The following MYO9A variants were observed in gnomAD, a reference collection of about 807,000 sequenced individuals.
MYO9A encodes the protein unconventional myosin-IXa.
A neutral mutation model predicts 293.3 loss-of-function variants in MYO9A; 103 were observed. The observed-to-expected ratio is 0.35, with a 90% CI of 0.30 to 0.41. MYO9A has a LOEUF of 0.41. Among genes scored for constraint, MYO9A ranks in the 10% least tolerant of loss-of-function variants. MYO9A has a pLI of 1.00. For missense variants in MYO9A, 2,685 were observed against 3,033.0 expected (o/e 0.89, Z 2.69); for synonymous variants, 1,001 against 1,035.7 (o/e 0.97, Z 0.64).
At chr15:71,955,530 T>C (rs966446856) in intron 14 of MYO9A, among the ~76,000 whole-genome samples, 16 of 152,218 alleles carry the variant, frequency 1.1e-4, no homozygotes, top group Non-Finnish European at 2.1e-4. Flanking sequence ...TGAGTATCAG[T>C]GGTTTGTTTC....
intron 1 of MYO9A, among the ~76,000 whole-genome samples, chr15:72,072,468 T>A (rs1450569982): frequency 2.6e-5 from 4 of 152,192 alleles, no homozygotes; most frequent in Non-Finnish European, 5.9e-5. Context: ...CACAGCACTA[T>A]TCACAATAGC....
rs1016764634 is a variant in MYO9A at position 71,825,985 on chromosome 15, GTTT to G, written c.*592_*594del. ...TGATGGCTTAATGGAAACAATCACG[GTTT>G]TTTTTTGTTTTTTTTTTTTTGTTTT... On this transcript the variant is annotated 3_prime_UTR_variant, in exon 42 of 42. Coordinates refer to ENST00000356056, the MANE Select transcript of MYO9A (RefSeq NM_006901.4). 1.7e-5 allele frequency: 2 copies of G among 117,684 alleles called. No homozygotes were observed. Among genetic ancestry groups the G allele is most frequent in the Non-Finnish European group, 3.5e-5 (2 of 57,198 alleles). The allele number at this position is 117,684 out of a possible 1,614,324, so 7.3% of individuals were successfully genotyped here. A position where few individuals can be genotyped will look rare whatever the true frequency, so the allele number is the denominator to read the frequency against.
chr15:71,954,646 G>C (rs1384151498), intron 14 of MYO9A, among the ~76,000 whole-genome samples: 5 of 152,234 alleles, frequency 3.3e-5, no homozygotes, highest in African/African-American at 1.2e-4. Context: ...ATATGGTGCA[G>C]ATGTGGGGCA....
intron 9 of MYO9A, among the ~76,000 whole-genome samples, chr15:71,998,565 C>CTTTTTTTTTTT (rs11443228): frequency 2.1e-5 from 3 of 140,080 alleles, no homozygotes; most frequent in Non-Finnish European, 3.1e-5. Flanking sequence ...TTTTTTTTGT[C>CTTTTTTTTTTT]TTTTTTTTTC....
intron 1 of MYO9A, among the ~76,000 whole-genome samples, chr15:72,105,453 C>G (rs1391965580): frequency 1.3e-5 from 2 of 150,004 alleles, no homozygotes; most frequent in African/African-American, 4.9e-5. Context: ...TTTCAAACTG[C>G]TGGCCTCAAG....
chr15:71,863,011 C>T (rs961569750), intron 32 of MYO9A, among the ~76,000 whole-genome samples: 5 of 151,006 alleles, frequency 3.3e-5, no homozygotes, highest in East Asian at 1.9e-4. Context: ...CTGCAGCCTC[C>T]GCCTCCTGGG....
intron 32 of MYO9A, among the ~76,000 whole-genome samples, chr15:71,871,689 G>GAAAAAAAAAAA (rs1219443485): frequency 1.4e-5 from 1 of 73,610 alleles, no homozygotes. Flanking sequence ...GTCTCAAAAA[G>GAAAAAAAAAAA]AAAAAAAAAA....
At chr15:71,929,952 A>AAT (rs1208458027) in intron 18 of MYO9A, among the ~76,000 whole-genome samples, 1 of 152,174 alleles carries the variant, frequency 6.6e-6, no homozygotes, top group African/African-American at 2.4e-5. Context: ...GGCCTTATAA[A>AAT]ATGAGTTTGA....
In MYO9A at chr15:71,824,939, A is replaced by AAAAG. The variant is rs1259332861; in HGVS notation, c.*1637_*1640dup. ...CAGGAGAGAGAGACTCTGCCTTAAC[A>AAAAG]AAAGACTTAATATTTCCACAACTTC... On this transcript the variant is annotated 3_prime_UTR_variant, in exon 42 of 42. Coordinates refer to ENST00000356056, the MANE Select transcript of MYO9A (RefSeq NM_006901.4). The AAAAG allele has an allele frequency of 6.6e-6, 1 of 152,090 alleles. No individual in the cohort carries two copies. The highest frequency in any genetic ancestry group is 2.4e-5 in the African/African-American group (1 of 41,434). 9.4% of individuals were successfully genotyped at this position (152,090 alleles called of 1,614,324 possible).
intron 39 of MYO9A, chr15:71,847,314 G>A (rs953517441): frequency 5.5e-6 from 2 of 360,554 alleles, no homozygotes; most frequent in South Asian, 2.0e-5. Flanking sequence ...CGAACATGGA[G>A]GGTGGACAGG....
chr15:71,935,911 C>CACAT, intron 16 of MYO9A, among the ~76,000 whole-genome samples: 1 of 147,254 alleles, frequency 6.8e-6, no homozygotes, highest in Non-Finnish European at 1.5e-5. Context: ...TTTACACACA[C>CACAT]ACACACACAC....
chr15:72,021,083 G>A (rs991521769), intron 4 of MYO9A, 66 bp from the exon 5 acceptor site: 1 of 985,144 alleles, frequency 1.0e-6, no homozygotes, highest in Non-Finnish European at 1.5e-6. Context: ...AACAGGGGGA[G>A]GGGGGAAGCA....
At chr15:72,066,260 G>A (rs1231066291) in intron 1 of MYO9A, among the ~76,000 whole-genome samples, 1 of 152,108 alleles carries the variant, frequency 6.6e-6, no homozygotes, top group Middle Eastern at 3.2e-3. Flanking sequence ...AGGCCAAAGC[G>A]GGTGGATCAC....
intron 2 of MYO9A, chr15:72,041,584 T>C (rs566124741): frequency 8.2e-5 from 29 of 352,718 alleles, no homozygotes; most frequent in Non-Finnish European, 1.5e-4. Context: ...TTCCGCAAGG[T>C]TGAGCACTGC....
In MYO9A at chr15:72,007,720, C is replaced by T. The variant is rs2077056882; in HGVS notation, c.1380+106G>A. On this transcript the variant is annotated intron_variant, in intron 8 of 41. Transcript: ENST00000356056. Reference sequence around the variant, plus strand: ...ATTTAAAAATAGTGCCTAATAAAAGCATTATTAACAGAAAGCATTAACCCG... The same window carrying T: ...ATTTAAAAATAGTGCCTAATAAAAGTATTATTAACAGAAAGCATTAACCCG... The T allele has an allele frequency of 3.2e-5, 33 of 1,044,228 alleles. No homozygotes were observed. In the East Asian group the frequency reaches 7.7e-4, roughly 24 times the overall value. 64.7% of individuals were successfully genotyped at this position (1,044,228 alleles called of 1,614,324 possible).
intron 27 of MYO9A, among the ~76,000 whole-genome samples, 154 bp from the exon 28 acceptor site, chr15:71,883,890 A>G (rs1326094429): frequency 6.6e-6 from 1 of 151,796 alleles, no homozygotes; most frequent in Non-Finnish European, 1.5e-5. Context: ...TTTTGCATTT[A>G]AACTTCACCT....
At chr15:72,078,959 T>C (rs538868311) in intron 1 of MYO9A, among the ~76,000 whole-genome samples, 15 of 152,238 alleles carry the variant, frequency 9.9e-5, no homozygotes, top group African/African-American at 3.6e-4. Flanking sequence ...TTGAAAAGCG[T>C]TGTGGGAGGT....
At chr15:71,894,298 T>C (rs8034722) in intron 25 of MYO9A, among the ~76,000 whole-genome samples, 140,577 of 152,248 alleles carry the variant, frequency 0.92, 65,293 homozygotes, top group Non-Finnish European at 0.97. Context: ...ACGTTGAGGC[T>C]GGGTGCAGTG....
intron 1 of MYO9A, among the ~76,000 whole-genome samples, chr15:72,072,876 G>T: frequency 6.6e-6 from 1 of 151,900 alleles, no homozygotes; most frequent in East Asian, 1.9e-4. Context: ...GAACCCGCAC[G>T]TATACACCCT....
Sources: allele counts gnomAD v4.1 joint callset (sites outside exome capture counted in the v4.1 genomes callset), GRCh38; gene constraint gnomAD v4.1.1; transcripts MANE v1.5; gene names NCBI Gene and HGNC (gene_info 2026-07-23, HGNC 2026-07-21).